TPR: variants seen among roughly 807,000 people sequenced by gnomAD.
The protein encoded by TPR is translocated promoter region, nuclear basket protein, also known as nucleoprotein TPR.
TPR carries 51 observed loss-of-function variants against 316.1 expected under a neutral mutation model. The observed-to-expected ratio is 0.16, with a 90% CI of 0.13 to 0.20. The LOEUF (loss-of-function observed/expected upper bound fraction) is 0.20, where lower values mean the gene tolerates loss of function less well. Ranked by LOEUF, TPR falls within the 10% of genes least tolerant of loss-of-function variation. The pLI, the probability that TPR is intolerant of heterozygous loss-of-function variation, is 1.00. For missense variants in TPR, 2,272 were observed against 2,754.8 expected (o/e 0.82, Z 3.92); for synonymous variants, 981 against 914.7 (o/e 1.07, Z -1.31).
Position 186,343,483 on chromosome 1 carries a change from TAC to T in TPR, c.3603-12_3603-11del, listed in dbSNP as rs1468825417. 4 of 1,599,936 alleles carry T rather than the reference TAC, an allele frequency of 2.5e-6. No individual in the cohort carries two copies. In the African/African-American group the frequency reaches 5.4e-5, roughly 22 times the overall value. On this transcript the variant is annotated splice_polypyrimidine_tract_variant and intron_variant, in intron 26 of 50. Transcript: ENST00000367478. ...TTCTCGTCGTATAAATCTACAAAAATACAGATATTAAAATTTTATGTGAATTT... is the reference window on the plus strand; with the variant it reads ...TTCTCGTCGTATAAATCTACAAAAATAGATATTAAAATTTTATGTGAATTT...
chr1:186,364,651 T>A (rs1171814943), intron 4 of TPR, among the ~76,000 whole-genome samples: 1 of 152,150 alleles, frequency 6.6e-6, no homozygotes, highest in East Asian at 1.9e-4. Flanking sequence ...TTTGATAATT[T>A]TAGAAAGGTT....
At chr1:186,361,181 A>T (rs1036387533) in intron 9 of TPR, among the ~76,000 whole-genome samples, 1 of 151,998 alleles carries the variant, frequency 6.6e-6, no homozygotes, top group African/African-American at 2.4e-5. Context: ...TTCGATTTTG[A>T]TCTTTAATCC....
rs1658941208 is a variant in TPR at position 186,353,699 on chromosome 1, C to T, written c.2323G>A (p.Ala775Thr). ...GATATTGGACTCACTTCTGCGACAGCTAGCTTCTCATTTGCTCCTCTCAAA... is the reference window on the plus strand; with the variant it reads ...GATATTGGACTCACTTCTGCGACAGTTAGCTTCTCATTTGCTCCTCTCAAA... ...QDLRGANEKL[A>T]VAEVRAENLK... Residue 775 changes from alanine (A) to threonine (T), a missense_variant, in exon 18 of 51, where the codon GCT (alanine) becomes ACT (threonine). Physicochemically the swap from Ala to Thr is moderately conservative, Grantham distance 58 (BLOSUM62 0). Around this residue, in one of 10 missense-constraint regions of TPR, gnomAD observed 757 missense variants for 859.8 expected, o/e 0.88. Transcript: ENST00000367478. 6.2e-7 allele frequency: 1 copy of T among 1,613,520 alleles called. No homozygotes were observed. The highest frequency in any genetic ancestry group is 1.3e-5 in the African/African-American group (1 of 74,916).
rs375940759 is a variant in TPR, at chr1:186,360,408, A to T, written c.1100-44T>A. The stretch of plus-strand genomic sequence containing the variant: ...ATCTAGTATAATTTGTAAAATTCCA[A>T]ACTAAAAGCCATTAATAATTTTTCA... On this transcript the variant is annotated intron_variant, in intron 10 of 50. Coordinates refer to ENST00000367478, the MANE Select transcript of TPR (RefSeq NM_003292.3). 1.1e-5 allele frequency: 18 copies of T among 1,592,882 alleles called. No homozygotes were observed. The African/African-American group carries it at 2.4e-4, about 21-fold the overall frequency.
intron 25 of TPR, 110 bp downstream of exon 25, chr1:186,344,265 C>G: frequency 7.2e-7 from 1 of 1,397,158 alleles, no homozygotes; most frequent in Non-Finnish European, 9.8e-7. Flanking sequence ...CACGCCATTG[C>G]ACTCCAGCAT....
chr1:186,374,306 T>C (rs984159660), intron 1 of TPR, among the ~76,000 whole-genome samples: 7 of 152,230 alleles, frequency 4.6e-5, no homozygotes, highest in African/African-American at 1.7e-4. Context: ...AATTTTAATG[T>C]TTTCTATCAA....
chr1:186,313,731 A>C lies in TPR; in HGVS notation c.*240T>G. 1.2e-6 allele frequency: 2 copies of C among 1,610,474 alleles called. No homozygotes were observed. The highest frequency in any genetic ancestry group is 1.7e-6 in the Non-Finnish European group (2 of 1,176,858). On this transcript the variant is annotated 3_prime_UTR_variant, in exon 51 of 51. Coordinates refer to ENST00000367478, the MANE Select transcript of TPR (RefSeq NM_003292.3). ...TAGTAGAACAGCAAGAGCAATTACT[A>C]CTCGTTCTGGGCAGACCTTATCCAA...
chr1:186,357,025 T>C (rs189027992), intron 14 of TPR, among the ~76,000 whole-genome samples: 177 of 152,340 alleles, frequency 1.2e-3, no homozygotes, highest in African/African-American at 4.1e-3. Context: ...ATATCCCAAG[T>C]ATCTAGCACT....
Position 186,352,110 on chromosome 1 carries a change from C to A in TPR, c.2335G>T (p.Val779Leu). 1 of 1,592,014 alleles carries A rather than the reference C, an allele frequency of 6.3e-7. No homozygotes were observed. The highest frequency in any genetic ancestry group is 8.5e-7 in the Non-Finnish European group (1 of 1,173,366). ...GANEKLAVAE[V>L]RAENLKKEKE... ...TCCTTCTTCAAATTTTCTGCTCTTA[C>A]CTAAACATAAGTAGAAATGAAATAA... The change falls in exon 19 of 51, where the codon GTA (valine) becomes TTA (leucine). Residue 779 changes from valine to leucine, a missense_variant and splice_region_variant. By Grantham distance (32) the Val-to-Leu change is conservative (BLOSUM62 1). Transcript: ENST00000367478.
chr1:186,365,664 C>T (rs1479552384), intron 4 of TPR, among the ~76,000 whole-genome samples: 1 of 152,152 alleles, frequency 6.6e-6, no homozygotes, highest in Non-Finnish European at 1.5e-5. Flanking sequence ...GCCATCCCTT[C>T]TTTTTCATTA....
chr1:186,350,807 CAGAG>C (rs1247738884), intron 20 of TPR, among the ~76,000 whole-genome samples: 2 of 152,248 alleles, frequency 1.3e-5, no homozygotes, highest in East Asian at 1.9e-4. Flanking sequence ...AAATATTCAT[CAGAG>C]TAGCGATCGC....
chr1:186,314,664 T>C lies in TPR; in HGVS notation c.7001A>G (p.Gln2334Arg), dbSNP rs1657537216. Reference protein sequence around the residue: ...RRVRLQTTLRQGVRGRQFNRQ... With the variant: ...RRVRLQTTLRRGVRGRQFNRQ... ...GTTAAACTGACGACCACGGACACCT[T>C]GTCTCAATGTTGTCTGAAGTCTTAC... Residue 2334 changes from glutamine (Q) to arginine (R), a missense_variant, in exon 50 of 51, where the codon CAA becomes CGA. By Grantham distance (43) the Gln-to-Arg change is conservative. This residue lies in a region of TPR where 123 missense variants were observed against 142.3 expected (regional missense o/e 0.86). Transcript: ENST00000367478. 1 of 1,612,740 alleles carries C rather than the reference T, an allele frequency of 6.2e-7. No homozygotes were observed. Among genetic ancestry groups the C allele is most frequent in the Non-Finnish European group, 8.5e-7 (1 of 1,179,212 alleles).
chr1:186,368,520 T>A (rs1224988035), intron 3 of TPR, among the ~76,000 whole-genome samples: 1 of 152,120 alleles, frequency 6.6e-6, no homozygotes, highest in East Asian at 1.9e-4. Flanking sequence ...TGAGGTGGGA[T>A]GATCATTTGA....
chr1:186,312,487 G>T lies in TPR; in HGVS notation c.*1484C>A, dbSNP rs1157199278. On this transcript the variant is annotated 3_prime_UTR_variant, in exon 51 of 51. Transcript: ENST00000367478. ...TGATCAAACAGCCCTAATAATTTAA[G>T]CTTACTGATGAAAAACTCATCCACT... is the stretch of plus-strand genomic sequence containing the variant. The T allele has an allele frequency of 3.7e-6, 4 of 1,082,908 alleles. No homozygotes were observed. The African/African-American group carries it at 6.4e-5, about 17-fold the overall frequency. 67.1% of individuals were successfully genotyped at this position (1,082,908 alleles called of 1,614,324 possible).
At chr1:186,339,531 AGCACTTTCCATTCTTTCTAAAACCAGGAG>A in intron 30 of TPR, 82 bp downstream of exon 30, 1 of 896,232 alleles carries the variant, frequency 1.1e-6, no homozygotes, top group Non-Finnish European at 1.5e-6. Context: ...TAGGTGCTCT[AGCACTTTCCATTCTTTCTAAAACCAGGAG>A]GCAGGCACTT....
intron 32 of TPR, 141 bp downstream of exon 32, chr1:186,336,872 T>TTACA: frequency 7.3e-7 from 1 of 1,374,152 alleles, no homozygotes; most frequent in South Asian, 1.3e-5. Flanking sequence ...TGGGTACTAC[T>TTACA]TACATACATG....
intron 4 of TPR, 152 bp from the exon 5 acceptor site, chr1:186,363,597 TC>T (rs1659254848): frequency 3.9e-6 from 2 of 507,918 alleles, no homozygotes; most frequent in Non-Finnish European, 6.8e-6. Context: ...CAGATTCACT[TC>T]CACTCATATT....
chr1:186,339,736 C>T lies in TPR; in HGVS notation c.4057G>A (p.Glu1353Lys), dbSNP rs373635638. 1.2e-6 allele frequency: 2 copies of T among 1,604,524 alleles called. No individual in the cohort carries two copies. The highest frequency in any genetic ancestry group is 2.7e-5 in the African/African-American group (2 of 74,420). Residue 1353 changes from glutamate (E) to lysine (K), a missense_variant, in exon 30 of 51, where the codon GAA (glutamate) becomes AAA (lysine). By Grantham distance (56) the Glu-to-Lys change is moderately conservative. Coordinates refer to ENST00000367478, the MANE Select transcript of TPR (RefSeq NM_003292.3). The part of the protein sequence containing the change: ...VSQQKDPDTE[E>K]YRKLLSEKEV... The stretch of plus-strand genomic sequence containing the variant: ...TTTTCAGAAAGGAGCTTCCGATATT[C>T]TTCTGTATCTGGATCTTTCTGTTGA...
Position 186,312,771 on chromosome 1 carries a change from G to A in TPR, c.*1200C>T. 6.2e-7 allele frequency: 1 copy of A among 1,612,828 alleles called. No individual in the cohort carries two copies. The highest frequency in any genetic ancestry group is 8.5e-7 in the Non-Finnish European group (1 of 1,178,954). On this transcript the variant is annotated 3_prime_UTR_variant, in exon 51 of 51. Transcript: ENST00000367478. Reference sequence around the variant, plus strand: ...TTTATTAAACATGCCACTTACAGGTGTCCTTCATAATGAAGTTAAAGTGAG... The same window carrying A: ...TTTATTAAACATGCCACTTACAGGTATCCTTCATAATGAAGTTAAAGTGAG...
Sources: gnomAD v4.1 joint callset for allele counts (sites outside exome capture counted in the v4.1 genomes callset) on GRCh38, gnomAD v4.1.1 for gene constraint, gnomAD v4.1.1 regional missense constraint, MANE v1.5 for transcripts, NCBI Gene and HGNC (gene_info 2026-07-23, HGNC 2026-07-21) for gene names.